LRP4: variants seen among roughly 807,000 people sequenced by gnomAD.
LRP4 encodes the protein LDL receptor related protein 4.
LRP4 carries 95 observed loss-of-function variants against 220.3 expected under a neutral mutation model. The observed-to-expected ratio is 0.43, with a 90% CI of 0.37 to 0.51. The LOEUF is 0.51. Among genes scored for constraint, LRP4 ranks in the 20% least tolerant of loss-of-function variants. The pLI, the probability that LRP4 is intolerant of heterozygous loss-of-function variation, is 0.00. For missense variants in LRP4, 1,925 were observed against 2,567.0 expected (o/e 0.75, Z 5.40); for synonymous variants, 903 against 954.6 (o/e 0.95, Z 1.00).
intron 1 of LRP4, among the ~76,000 whole-genome samples, chr11:46,904,212 G>A (rs1201865055): frequency 6.6e-6 from 1 of 152,166 alleles, no homozygotes; most frequent in Admixed American, 6.5e-5. Flanking sequence ...CTCAGGCTGG[G>A]CTGAAACAGA....
chr11:46,911,608 AT>A (rs1941860843), intron 1 of LRP4, among the ~76,000 whole-genome samples: 1 of 139,992 alleles, frequency 7.1e-6, no homozygotes, highest in African/African-American at 2.7e-5. Context: ...AAATAAATAA[AT>A]AAATAAAAAT....
At chr11:46,884,746 A>T in intron 18 of LRP4, among the ~76,000 whole-genome samples, 1 of 149,878 alleles carries the variant, frequency 6.7e-6, no homozygotes, top group East Asian at 2.0e-4. Context: ...CAAAAAAAAA[A>T]AAAAAAAAAA....
chr11:46,877,210 T>A lies in LRP4; in HGVS notation c.3266A>T (p.Asp1089Val), dbSNP rs1941043196. ...TMKNTIAIGV[D>V]PQEGKVYWSD... ...AGGGCCATACAGACCTTCCTGGGGG[T>A]CTACTCCAATGGCAATGGTGTTCTT... is the stretch of plus-strand genomic sequence containing the variant. The change falls in exon 23 of 38, where the codon GAC becomes GTC. Residue 1089 changes from aspartate to valine, a missense_variant. By Grantham distance (152) the Asp-to-Val change is radical. Transcript: ENST00000378623. 3 of 1,613,514 alleles carry A rather than the reference T, an allele frequency of 1.9e-6. No homozygotes were observed. The highest frequency in any genetic ancestry group is 2.5e-6 in the Non-Finnish European group (3 of 1,179,782).
chr11:46,859,389 G>A (rs1472633660), intron 37 of LRP4, 74 bp from the exon 38 acceptor site: 30 of 1,102,836 alleles, frequency 2.7e-5, no homozygotes, highest in Non-Finnish European at 3.9e-5. Context: ...ACTGAAAAAG[G>A]AAGTGGATGG....
chr11:46,883,373 T>C (rs1941207344), intron 19 of LRP4, among the ~76,000 whole-genome samples: 1 of 152,254 alleles, frequency 6.6e-6, no homozygotes, highest in South Asian at 2.1e-4. Flanking sequence ...ACACCTGGCC[T>C]GCCCAGGGCA....
Position 46,899,973 on chromosome 11 carries a change from G to A in LRP4, c.320C>T (p.Pro107Leu), listed in dbSNP as rs2134864767. The change falls in exon 4 of 38, where the codon CCC becomes CTC. Residue 107 changes from proline (P) to leucine (L), a missense_variant. Pro to Leu is a moderately conservative substitution (Grantham distance 98, BLOSUM62 -3). Coordinates refer to ENST00000378623, the MANE Select transcript of LRP4 (RefSeq NM_002334.4). The surrounding 1 kb of genome is among the most constrained non-coding windows in gnomAD (Gnocchi z 5.9). ...EDDSDEQDCP[P>L]RECEEDEFPC... is the part of the protein sequence containing the mutation. Reference sequence around the variant, plus strand: ...AAACTCGTCCTCCTCACACTCCCGGGGGGCTGTGGGCACAGAGCAGTCAGG... The same window carrying A: ...AAACTCGTCCTCCTCACACTCCCGGAGGGCTGTGGGCACAGAGCAGTCAGG... 6.2e-7 allele frequency: 1 copy of A among 1,612,022 alleles called. No homozygotes were observed. The highest frequency in any genetic ancestry group is 8.5e-7 in the Non-Finnish European group (1 of 1,178,604).
chr11:46,916,290 A>C (rs1471310805), intron 1 of LRP4, among the ~76,000 whole-genome samples: 4 of 151,924 alleles, frequency 2.6e-5, no homozygotes, highest in Admixed American at 6.5e-5. Context: ...AAAAACAAAA[A>C]TTTGTAGGGT....
intron 18 of LRP4, among the ~76,000 whole-genome samples, chr11:46,884,814 G>C (rs560763779): frequency 6.6e-6 from 1 of 151,924 alleles, no homozygotes; most frequent in South Asian, 2.1e-4. Context: ...GGGAGGCTGA[G>C]GCAGAAGAAT....
Position 46,898,712 on chromosome 11 carries a change from C to A in LRP4, c.677-35G>T, listed in dbSNP as rs1366949736. The A allele has an allele frequency of 1.9e-6, 3 of 1,613,474 alleles. No homozygotes were observed. The South Asian group carries it at 3.3e-5, about 18-fold the overall frequency. On this transcript the variant is annotated intron_variant, in intron 6 of 37. Coordinates refer to ENST00000378623, the MANE Select transcript of LRP4 (RefSeq NM_002334.4). ...CACAAGACTTCTGTCTCTAGCCAGTCTGTGCAGTGTCCCATGGCAGACTAG... is the reference window on the plus strand; with the variant it reads ...CACAAGACTTCTGTCTCTAGCCAGTATGTGCAGTGTCCCATGGCAGACTAG...
chr11:46,876,692 T>A (rs1941030192), intron 24 of LRP4, 52 bp downstream of exon 24: 1 of 1,613,700 alleles, frequency 6.2e-7, no homozygotes, highest in African/African-American at 1.3e-5. Context: ...ATGGGCTATT[T>A]CCCCAGCCCT....
intron 16 of LRP4, among the ~76,000 whole-genome samples, chr11:46,888,791 C>T (rs947602609): frequency 5.3e-5 from 8 of 152,018 alleles, no homozygotes; most frequent in Non-Finnish European, 1.0e-4. Flanking sequence ...CCCTGCTGGT[C>T]GTGCCATATG....
intron 36 of LRP4, 117 bp downstream of exon 36, chr11:46,864,331 A>C (rs2134764902): frequency 1.2e-6 from 1 of 822,764 alleles, no homozygotes. Flanking sequence ...CCAGGCACCC[A>C]ACCTTGCAAT....
rs1208531867 is a variant in LRP4 at position 46,899,751 on chromosome 11, A to G, written c.430+112T>C. The G allele has an allele frequency of 4.2e-6, 4 of 949,886 alleles. No homozygotes were observed. The highest frequency in any genetic ancestry group is 3.4e-5 in the Admixed American group (2 of 58,826). 58.8% of individuals were successfully genotyped at this position (949,886 alleles called of 1,614,324 possible). On this transcript the variant is annotated intron_variant, in intron 4 of 37. Coordinates refer to ENST00000378623, the MANE Select transcript of LRP4 (RefSeq NM_002334.4). The surrounding 1 kb of genome is among the most constrained non-coding windows in gnomAD (Gnocchi z 5.9). The stretch of plus-strand genomic sequence containing the variant: ...CTCTGCGTTCCTCTAGCTGCTCCAG[A>G]TATCTGGGCAGTTGGAGGTTTGGCA...
chr11:46,917,323 T>C (rs908809952), intron 1 of LRP4, among the ~76,000 whole-genome samples: 3 of 152,188 alleles, frequency 2.0e-5, no homozygotes, highest in Non-Finnish European at 2.9e-5. Context: ...CCACGATGAA[T>C]AGCGATGGGT....
chr11:46,879,373 G>A, intron 20 of LRP4, 58 bp from the exon 21 acceptor site: 1 of 1,575,030 alleles, frequency 6.3e-7, no homozygotes, highest in South Asian at 1.1e-5. Flanking sequence ...CAGAGCAGTG[G>A]CAAAGAGCTC....
chr11:46,906,538 T>G (rs1042502587), intron 1 of LRP4, among the ~76,000 whole-genome samples: 7 of 151,704 alleles, frequency 4.6e-5, no homozygotes, highest in African/African-American at 1.7e-4. Context: ...ACCAAAGATG[T>G]TCAATAATGG....
In LRP4 at chr11:46,873,300, C is replaced by G. The variant is rs1027694727; in HGVS notation, c.4449-66G>C. On this transcript the variant is annotated intron_variant, in intron 29 of 37. Transcript: ENST00000378623. The surrounding 1 kb of genome is among the most constrained non-coding windows in gnomAD (Gnocchi z 4.2). Reference sequence around the variant, plus strand: ...ACAGCACCCAGAGGTTGAGAGAACACAGAGGACCCACTAACACCATCTTTC... The same window carrying G: ...ACAGCACCCAGAGGTTGAGAGAACAGAGAGGACCCACTAACACCATCTTTC... The G allele has an allele frequency of 6.2e-7, 1 of 1,612,534 alleles. No homozygotes were observed. Among genetic ancestry groups the G allele is most frequent in the South Asian group, 1.1e-5 (1 of 90,940 alleles).
chr11:46,874,976 A>G lies in LRP4; in HGVS notation c.4053T>C (p.Ser1351=). The G allele has an allele frequency of 2.5e-6, 4 of 1,614,174 alleles. No individual in the cohort carries two copies. Among genetic ancestry groups the G allele is most frequent in the Non-Finnish European group, 3.4e-6 (4 of 1,180,036 alleles). Residue 1351 remains serine (S), a synonymous_variant, in exon 28 of 38, where the codon TCT becomes TCC. Transcript: ENST00000378623. ...LKGDGKTCDP[S]PETYLLFSSR... ...TGGAGAAGAGCAGGTAGGTCTCAGG[A>G]GAGGGATCACAGGTCTTCCCATCTC...
chr11:46,879,669 CG>C (rs1247870003), intron 20 of LRP4, among the ~76,000 whole-genome samples: 1 of 152,164 alleles, frequency 6.6e-6, no homozygotes. Context: ...ATCACAATAA[CG>C]GAACAGGCCA....
Sources: allele counts gnomAD v4.1 joint callset (sites outside exome capture counted in the v4.1 genomes callset), GRCh38; gene constraint gnomAD v4.1.1; non-coding constraint Gnocchi (gnomAD v3.1); transcripts MANE v1.5; gene names NCBI Gene and HGNC (gene_info 2026-07-23, HGNC 2026-07-21).